PALLD: variants seen among roughly 807,000 people sequenced by gnomAD.
The protein encoded by PALLD is palladin.
A neutral mutation model predicts 123.5 loss-of-function variants in PALLD; 61 were observed. That is an observed-to-expected ratio of 0.49 (90% CI 0.40 to 0.61). PALLD has a LOEUF of 0.61. Among genes scored for constraint, PALLD ranks in the 20% least tolerant of loss-of-function variants. The probability of loss-of-function intolerance (pLI) is 0.00; values close to 1 mark genes in which losing one functional copy is unlikely to be tolerated. For missense variants in PALLD, 1,273 were observed against 1,377.0 expected (o/e 0.92, Z 1.20); for synonymous variants, 465 against 496.4 (o/e 0.94, Z 0.84).
intron 15 of PALLD, among the ~76,000 whole-genome samples, chr4:168,909,874 C>A (rs1758553222): frequency 6.6e-6 from 1 of 151,986 alleles, no homozygotes; most frequent in Non-Finnish European, 1.5e-5. Context: ...GGGTTTTTTC[C>A]CCCAAACAAA....
intron 10 of PALLD, among the ~76,000 whole-genome samples, chr4:168,819,600 G>GT (rs1162417616): frequency 6.6e-6 from 1 of 152,128 alleles, no homozygotes. Flanking sequence ...TTTTGTTTTG[G>GT]TGACCCCGCT....
At chr4:168,598,031 C>T (rs57098335) in intron 2 of PALLD, among the ~76,000 whole-genome samples, 15,054 of 152,052 alleles carry the variant, frequency 0.099, 810 homozygotes, top group Admixed American at 0.13. Context: ...CTATTTACTA[C>T]CCCTATAAGA....
At chr4:168,587,115 CAA>C (rs1356964616) in intron 2 of PALLD, among the ~76,000 whole-genome samples, 4 of 152,124 alleles carry the variant, frequency 2.6e-5, no homozygotes, top group Non-Finnish European at 5.9e-5. Context: ...CCCCCGACGA[CAA>C]AGAATTCTCC....
At chr4:168,532,125 C>G (rs1764660729) in intron 2 of PALLD, among the ~76,000 whole-genome samples, 1 of 152,078 alleles carries the variant, frequency 6.6e-6, no homozygotes, top group Non-Finnish European at 1.5e-5. Context: ...ATCTGTTGTT[C>G]CCTGCTATGT....
At chr4:168,743,417 T>G (rs1788558322) in intron 10 of PALLD, among the ~76,000 whole-genome samples, 1 of 151,114 alleles carries the variant, frequency 6.6e-6, no homozygotes, top group South Asian at 2.1e-4. Flanking sequence ...CTTTCGAGAT[T>G]TTTTTTTTAA....
chr4:168,832,345 T>TCTCC (rs1744373790), intron 10 of PALLD, among the ~76,000 whole-genome samples: 1 of 151,848 alleles, frequency 6.6e-6, no homozygotes, highest in Non-Finnish European at 1.5e-5. Flanking sequence ...TCCCGAGCCC[T>TCTCC]CTCCCTCCCC....
At chr4:168,806,819 T>C (rs1054936105) in intron 10 of PALLD, among the ~76,000 whole-genome samples, 2 of 152,320 alleles carry the variant, frequency 1.3e-5, no homozygotes, top group East Asian at 3.9e-4. Context: ...GTTCTTATTT[T>C]CCTGGAGTTT....
intron 15 of PALLD, 116 bp downstream of exon 15, chr4:168,904,022 A>G (rs1003974182): frequency 1.9e-6 from 2 of 1,043,212 alleles, no homozygotes; most frequent in South Asian, 2.6e-5. Context: ...TTATGAAACT[A>G]TTTTTCCAAA....
chr4:168,894,374 C>G lies in PALLD; in HGVS notation c.2101-205C>G, dbSNP rs1297009981. 4 of 585,630 alleles carry G rather than the reference C, an allele frequency of 6.8e-6. No homozygotes were observed. The African/African-American group carries it at 7.5e-5, about 11-fold the overall frequency. The allele number at this position is 585,630 out of a possible 1,614,324, so 36.3% of individuals were successfully genotyped here. ...TTGTGCTGTACCAATTGGTGGCTCT[C>G]TGGATTAGGCCATTAGTACTAGAAA... is the stretch of plus-strand genomic sequence containing the variant. On this transcript the variant is annotated intron_variant, in intron 11 of 21. Coordinates refer to ENST00000505667, the MANE Select transcript of PALLD (RefSeq NM_001166108.2).
intron 2 of PALLD, among the ~76,000 whole-genome samples, chr4:168,634,276 T>C (rs1433479033): frequency 6.6e-6 from 1 of 152,224 alleles, no homozygotes; most frequent in Non-Finnish European, 1.5e-5. Flanking sequence ...CTTCGAGCTT[T>C]CCTGGCTTTT....
intron 10 of PALLD, among the ~76,000 whole-genome samples, chr4:168,725,522 C>CTTTTTTTTTT (rs1210834634): frequency 3.4e-4 from 31 of 91,648 alleles, no homozygotes; most frequent in Non-Finnish European, 4.3e-4. Flanking sequence ...TCTTTAATTT[C>CTTTTTTTTTT]TTTTTTTTTT....
chr4:168,604,812 A>G lies in PALLD; in HGVS notation c.909-63378A>G, dbSNP rs141683674. ...GAGCTTCTGAGAGAATGCCTGGCAG[A>G]CTCAGTCCTATTCAGTGTGTTAAAT... On this transcript the variant is annotated intron_variant, in intron 2 of 21. Transcript: ENST00000505667. Among the ~76,000 whole-genome samples the G allele has an allele frequency of 2.2e-3, 328 of 152,284 alleles. 3 individuals carry two copies. Among genetic ancestry groups the G allele is most frequent in the African/African-American group, 7.1e-3 (294 of 41,542 alleles).
chr4:168,868,749 C>G (rs993131096), intron 10 of PALLD, among the ~76,000 whole-genome samples: 1 of 152,204 alleles, frequency 6.6e-6, no homozygotes, highest in Non-Finnish European at 1.5e-5. Flanking sequence ...CACAAGGGAA[C>G]TGTTTCCTCT....
intron 10 of PALLD, among the ~76,000 whole-genome samples, chr4:168,774,727 CAAAAAAAAA>C (rs56364164): frequency 1.4e-5 from 1 of 73,228 alleles, no homozygotes; most frequent in African/African-American, 5.1e-5. Flanking sequence ...GACTGCATCT[CAAAAAAAAA>C]AAAAAAAAAA....
At chr4:168,630,028 G>T (rs565976640) in intron 2 of PALLD, among the ~76,000 whole-genome samples, 1 of 152,286 alleles carries the variant, frequency 6.6e-6, no homozygotes, top group South Asian at 2.1e-4. Context: ...AGATTTCTGC[G>T]CTCATGGTGA....
At chr4:168,766,917 T>A (rs869397) in intron 10 of PALLD, among the ~76,000 whole-genome samples, 51,115 of 151,786 alleles carry the variant, frequency 0.34, 9,203 homozygotes, top group Non-Finnish European at 0.42. Context: ...GTGTGGCAGC[T>A]CATCAAGTAT....
intron 15 of PALLD, among the ~76,000 whole-genome samples, chr4:168,906,991 G>C (rs1429587141): frequency 6.6e-6 from 1 of 152,206 alleles, no homozygotes; most frequent in Non-Finnish European, 1.5e-5. Context: ...TGCAGTACAG[G>C]GGTTATGAGC....
rs116761615 is a variant in PALLD at position 168,792,757 on chromosome 4, T to G, written c.1964+80834T>G. On this transcript the variant is annotated intron_variant, in intron 10 of 21. Coordinates refer to ENST00000505667, the MANE Select transcript of PALLD (RefSeq NM_001166108.2). ...AGATAAATTCTATTTAATCTTATTC[T>G]TTTTTTTTCTTTTTTTGTTTTTTTT... Among the ~76,000 whole-genome samples, 957 of 151,212 alleles carry G rather than the reference T, an allele frequency of 6.3e-3. 6 individuals carry two copies. The highest frequency in any genetic ancestry group is 0.027 in the Middle Eastern group (8 of 294).
At chr4:168,528,188 T>C (rs1202285773) in intron 2 of PALLD, among the ~76,000 whole-genome samples, 1 of 152,190 alleles carries the variant, frequency 6.6e-6, no homozygotes, top group Non-Finnish European at 1.5e-5. Context: ...TGATGACCCA[T>C]AATTATTATC....
Sources: allele counts gnomAD v4.1 joint callset (sites outside exome capture counted in the v4.1 genomes callset), GRCh38; gene constraint gnomAD v4.1.1; transcripts MANE v1.5; gene names NCBI Gene and HGNC (gene_info 2026-07-23, HGNC 2026-07-21).